CCDC88A: variants seen among roughly 807,000 people sequenced by gnomAD.
CCDC88A encodes coiled-coil and HOOK domain protein 88A.
A neutral mutation model predicts 234.3 loss-of-function variants in CCDC88A; 54 were observed. The ratio of observed to expected loss-of-function variants is 0.23; its 90% CI spans 0.19 to 0.29. The LOEUF is 0.29. CCDC88A is among the 10% of genes least tolerant of loss of function. The probability of loss-of-function intolerance (pLI) is 1.00; values close to 1 mark genes in which losing one functional copy is unlikely to be tolerated. For missense variants in CCDC88A, 1,832 were observed against 2,123.4 expected, an observed-to-expected ratio of 0.86 and a Z score of 2.70; for synonymous variants, 753 against 737.8, an observed-to-expected ratio of 1.02 and a Z score of -0.33.
At chr2:55,298,940 C>T (rs970988734) in intron 29 of CCDC88A, among the ~76,000 whole-genome samples, 12 of 151,566 alleles carry the variant, frequency 7.9e-5, no homozygotes, top group African/African-American at 2.9e-4. Flanking sequence ...TGGCTCACAC[C>T]TGTAATCCCA....
At chr2:55,292,869 AAAC>A (rs1161590469) in intron 31 of CCDC88A, 2 of 152,258 alleles carry the variant, frequency 1.3e-5, no homozygotes, top group East Asian at 3.9e-4. Context: ...TCAAACAAAC[AAAC>A]AAAAAGAACT....
intron 3 of CCDC88A, among the ~76,000 whole-genome samples, chr2:55,384,014 T>C (rs1054629113): frequency 6.6e-6 from 1 of 152,098 alleles, no homozygotes; most frequent in African/African-American, 2.4e-5. Context: ...CACTCCAGCA[T>C]GGGCGACAAT....
At chr2:55,379,475 A>G (rs1674224794) in intron 3 of CCDC88A, among the ~76,000 whole-genome samples, 1 of 152,250 alleles carries the variant, frequency 6.6e-6, no homozygotes. Flanking sequence ...TATTCAACAA[A>G]TATTTATTGA....
At position 55,336,776 on chromosome 2, in the gene CCDC88A, G is replaced by C. The variant is rs1256527091; in HGVS notation, c.1561C>G (p.Leu521Val). The change falls in exon 14 of 33, where the codon CTT (leucine) becomes GTT (valine). Residue 521 changes from leucine to valine, a missense_variant. Leu to Val is a conservative substitution (Grantham distance 32). Coordinates refer to ENST00000436346, the MANE Select transcript of CCDC88A (RefSeq NM_001365480.1). The stretch of plus-strand genomic sequence containing the variant: ...TTGCTTAAATTCTGACAATTCTGAA[G>C]ACTTTGCTTTTCTTGAACAATCTCA... ...ENEIVQEKQS[L>V]QNCQNLSKDL... 1.9e-6 allele frequency: 3 copies of C among 1,592,320 alleles called. No individual in the cohort carries two copies. In the Admixed American group the frequency reaches 5.2e-5, roughly 27 times the overall value.
chr2:55,313,231 G>C (rs1201302633), intron 22 of CCDC88A: 2 of 152,176 alleles, frequency 1.3e-5, no homozygotes, highest in African/African-American at 4.8e-5. Context: ...ACCACACCCA[G>C]CTAGTTTTGT....
intron 2 of CCDC88A, among the ~76,000 whole-genome samples, chr2:55,398,521 GAC>G (rs1368135387): frequency 6.6e-6 from 1 of 152,164 alleles, no homozygotes; most frequent in Non-Finnish European, 1.5e-5. Context: ...GGGCCATACT[GAC>G]ACATGTTAGG....
chr2:55,289,395 C>T lies in CCDC88A; in HGVS notation c.*1805G>A, dbSNP rs1052021600. On this transcript the variant is annotated 3_prime_UTR_variant, in exon 33 of 33. Transcript: ENST00000436346. ...TGTACATTTTTTGACATGCAATTGT[C>T]TCTAGACTGCTCTGATACCTATTAC... 6 of 152,550 alleles carry T rather than the reference C, an allele frequency of 3.9e-5. No individual in the cohort carries two copies. The highest frequency in any genetic ancestry group is 1.4e-4 in the African/African-American group (6 of 41,436). The allele number at this position is 152,550 out of a possible 1,614,324, so 9.4% of individuals were successfully genotyped here.
At chr2:55,339,815 C>CT (rs1195380488) in intron 12 of CCDC88A, 167 bp from the exon 13 acceptor site, 11 of 527,428 alleles carry the variant, frequency 2.1e-5, no homozygotes, top group East Asian at 3.4e-5. Context: ...AGAAGTAAAT[C>CT]TTTTTTTTCC....
At chr2:55,360,294 AC>A (rs1355384944) in intron 7 of CCDC88A, among the ~76,000 whole-genome samples, 24 of 152,224 alleles carry the variant, frequency 1.6e-4, no homozygotes, top group Non-Finnish European at 1.6e-4. Context: ...GCTAATCAAA[AC>A]AAAAAAAGTT....
chr2:55,314,946 A>G (rs2104616587), intron 22 of CCDC88A: 1 of 152,282 alleles, frequency 6.6e-6, no homozygotes, highest in Admixed American at 6.5e-5. Context: ...TCAGCCAATA[A>G]TTAACATTTG....
intron 3 of CCDC88A, among the ~76,000 whole-genome samples, chr2:55,377,750 C>G (rs1229655271): frequency 3.3e-5 from 5 of 152,010 alleles, no homozygotes; most frequent in African/African-American, 1.2e-4. Flanking sequence ...ACTGGGATTA[C>G]AGGCGCACGC....
intron 6 of CCDC88A, among the ~76,000 whole-genome samples, chr2:55,363,244 G>C (rs747337833): frequency 6.6e-6 from 1 of 151,782 alleles, no homozygotes; most frequent in Non-Finnish European, 1.5e-5. Context: ...TAAGAGAAAA[G>C]ATGTCCTATG....
chr2:55,316,555 A>G (rs1384090885), intron 21 of CCDC88A, among the ~76,000 whole-genome samples: 1 of 152,172 alleles, frequency 6.6e-6, no homozygotes, highest in Admixed American at 6.5e-5. Context: ...ATTTCTACAA[A>G]AACTAAATAT....
chr2:55,409,834 A>C (rs1680186180), intron 2 of CCDC88A, among the ~76,000 whole-genome samples: 1 of 142,578 alleles, frequency 7.0e-6, no homozygotes, highest in African/African-American at 2.7e-5. Flanking sequence ...TCCGCCTCCC[A>C]GCTTCAAGTG....
intron 5 of CCDC88A, among the ~76,000 whole-genome samples, chr2:55,365,805 T>A (rs1349327539): frequency 6.6e-6 from 1 of 152,146 alleles, no homozygotes; most frequent in African/African-American, 2.4e-5. Context: ...GAAAAAAGAA[T>A]AAAATATTCA....
intron 17 of CCDC88A, chr2:55,323,663 A>G (rs1683911883): frequency 6.6e-6 from 1 of 152,164 alleles, no homozygotes; most frequent in Non-Finnish European, 1.5e-5. Flanking sequence ...GGCTATAAAT[A>G]TATGCAGTTA....
chr2:55,311,476 G>A (rs1682346196), intron 23 of CCDC88A, among the ~76,000 whole-genome samples: 1 of 152,154 alleles, frequency 6.6e-6, no homozygotes, highest in South Asian at 2.1e-4. Flanking sequence ...AAGTCTGAGA[G>A]GCACAGACAT....
intron 6 of CCDC88A, 141 bp downstream of exon 6, chr2:55,363,809 A>G (rs1464972896): frequency 1.9e-6 from 1 of 521,654 alleles, no homozygotes; most frequent in South Asian, 3.0e-5. Context: ...AAGAGAAGAC[A>G]ATTTGTATAA....
intron 2 of CCDC88A, among the ~76,000 whole-genome samples, chr2:55,392,653 T>C (rs1180031981): frequency 6.6e-6 from 1 of 152,274 alleles, no homozygotes; most frequent in African/African-American, 2.4e-5. Context: ...TTTTGTTTAC[T>C]GTTCTTATCT....
Sources: gnomAD v4.1 joint callset for allele counts (sites outside exome capture counted in the v4.1 genomes callset) on GRCh38, gnomAD v4.1.1 for gene constraint, MANE v1.5 for transcripts, NCBI Gene and HGNC (gene_info 2026-07-23, HGNC 2026-07-21) for gene names.